Variants in SORT1 observed in about 807,000 individuals in gnomAD.
SORT1 encodes sortilin 1, also known as sortilin.
SORT1 carries 39 observed loss-of-function variants against 101.7 expected under a neutral mutation model. That is an observed-to-expected ratio of 0.38 (90% CI 0.30 to 0.50). SORT1 has a LOEUF of 0.50. Among genes scored for constraint, SORT1 ranks in the 20% least tolerant of loss-of-function variants. The pLI is 0.90. For synonymous variants in SORT1, 396 were observed against 393.7 expected, an observed-to-expected ratio of 1.01 and a Z score of -0.07; for missense variants, 878 against 1,040.4, an observed-to-expected ratio of 0.84 and a Z score of 2.15.
Position 109,326,468 on chromosome 1 carries a change from T to TAC in SORT1, c.1643+522_1643+523dup, listed in dbSNP as rs758005459. Among the ~76,000 whole-genome samples, 219 of 62,696 alleles carry TAC rather than the reference T, an allele frequency of 3.5e-3. 1 individual carries two copies. The highest frequency in any genetic ancestry group is 3.8e-3 in the African/African-American group (59 of 15,328). The allele number at this position is 62,696 out of a possible 152,430, so 41.1% of individuals were successfully genotyped here. On this transcript the variant is annotated intron_variant, in intron 13 of 19. Coordinates refer to ENST00000256637, the MANE Select transcript of SORT1 (RefSeq NM_002959.7). ...ATATATATATATATATATATATACA[T>TAC]ACACACACACACACACATATATATA...
intron 1 of SORT1, among the ~76,000 whole-genome samples, chr1:109,391,839 A>G (rs1652933075): frequency 6.6e-6 from 1 of 152,246 alleles, no homozygotes; most frequent in East Asian, 1.9e-4. Context: ...CAAATCACTG[A>G]GACCACATAG....
At chr1:109,337,031 A>T (rs2101572958) in intron 10 of SORT1, among the ~76,000 whole-genome samples, 1 of 152,260 alleles carries the variant, frequency 6.6e-6, no homozygotes, top group South Asian at 2.1e-4. Flanking sequence ...CAAGGCCATG[A>T]CACTAGCCTT....
In SORT1 at chr1:109,325,050, C is replaced by T. The variant is rs761284292; in HGVS notation, c.1683G>A (p.Thr561=). 12 of 1,613,302 alleles carry T rather than the reference C, an allele frequency of 7.4e-6. No individual in the cohort carries two copies. The highest frequency in any genetic ancestry group is 2.2e-5 in the South Asian group (2 of 91,030). ...TGAAATAGATGGGGTCCCTGGTGAA[C>T]GTGTAGGTTTGCCAGCATTGACCTT... ...TDEGQCWQTY[T]FTRDPIYFTG... The change falls in exon 14 of 20, where the codon ACG becomes ACA. Residue 561 remains threonine (T), a synonymous_variant. Coordinates refer to ENST00000256637, the MANE Select transcript of SORT1 (RefSeq NM_002959.7).
intron 1 of SORT1, among the ~76,000 whole-genome samples, chr1:109,373,546 T>C (rs1479470641): frequency 6.6e-6 from 1 of 151,996 alleles, no homozygotes; most frequent in African/African-American, 2.4e-5. Flanking sequence ...GCAACCATAA[T>C]AGGAAACCTC....
At chr1:109,360,627 G>A (rs569006317) in intron 3 of SORT1, among the ~76,000 whole-genome samples, 77 of 151,766 alleles carry the variant, frequency 5.1e-4, no homozygotes, top group African/African-American at 1.8e-3. Flanking sequence ...ATGAGCCACT[G>A]CGCCTGGCCT....
At chr1:109,366,910 C>CA (rs34860640) in intron 3 of SORT1, 300 of 141,564 alleles carry the variant, frequency 2.1e-3, no homozygotes, top group African/African-American at 7.0e-3. Context: ...AGACCCTGCT[C>CA]AAAAAAAAAA....
At chr1:109,328,569 A>G (rs572497498) in intron 11 of SORT1, among the ~76,000 whole-genome samples, 4 of 152,198 alleles carry the variant, frequency 2.6e-5, no homozygotes, top group African/African-American at 9.6e-5. Flanking sequence ...TTTTTTATTC[A>G]GGCTATTTGT....
chr1:109,394,572 G>A (rs1653090346), intron 1 of SORT1, among the ~76,000 whole-genome samples: 1 of 152,152 alleles, frequency 6.6e-6, no homozygotes, highest in South Asian at 2.1e-4. Context: ...GCTTTACCGT[G>A]CTTTCTTGAG....
chr1:109,328,773 C>G (rs748976337), intron 11 of SORT1, among the ~76,000 whole-genome samples: 9 of 152,156 alleles, frequency 5.9e-5, no homozygotes, highest in Non-Finnish European at 1.0e-4. Context: ...CTTCAGACAC[C>G]GTACAAGATG....
At chr1:109,319,038 G>A (rs574380400) in intron 15 of SORT1, among the ~76,000 whole-genome samples, 8 of 152,090 alleles carry the variant, frequency 5.3e-5, no homozygotes, top group African/African-American at 1.4e-4. Flanking sequence ...TCAGCCTCCC[G>A]AAGTATTGGG....
At chr1:109,360,411 T>C (rs553685553) in intron 3 of SORT1, among the ~76,000 whole-genome samples, 3 of 152,194 alleles carry the variant, frequency 2.0e-5, no homozygotes, top group East Asian at 1.9e-4. Flanking sequence ...TAGCTCACTA[T>C]AGCCTAGAAC....
chr1:109,345,640 T>C lies in SORT1; in HGVS notation c.963+111A>G, dbSNP rs1272416759. 9.5e-6 allele frequency: 10 copies of C among 1,055,736 alleles called. No individual in the cohort carries two copies. The Admixed American group carries it at 1.9e-4, about 20-fold the overall frequency. 65.4% of individuals were successfully genotyped at this position (1,055,736 alleles called of 1,614,324 possible). A position where few individuals can be genotyped will look rare whatever the true frequency, so the allele number is the denominator to read the frequency against. ...TCACCCCTAACACTCACAGTGGTAC[T>C]AAATATAACAAAAAGACAAGAAACT... On this transcript the variant is annotated intron_variant, in intron 8 of 19. Transcript: ENST00000256637.
In SORT1 at chr1:109,347,497, G is replaced by A; in HGVS notation, c.818C>T (p.Ala273Val). The A allele has an allele frequency of 6.2e-7, 1 of 1,609,488 alleles. No individual in the cohort carries two copies. Among genetic ancestry groups the A allele is most frequent in the Non-Finnish European group, 8.5e-7 (1 of 1,175,858 alleles). Residue 273 changes from alanine (A) to valine (V), a missense_variant, in exon 7 of 20, where the codon GCA becomes GTA. This residue lies in a region of SORT1 where 684 missense variants were observed against 894.5 expected (regional missense o/e 0.76). Transcript: ENST00000256637. ...AATATACTTACTGCAGGAGCCATTT[G>A]CATAGGTTGTAAAGAAGATGGTGTT... ...SDNTIFFTTYANGSCKADLGA... is the reference protein window; with the variant it reads ...SDNTIFFTTYVNGSCKADLGA...
chr1:109,344,934 G>A (rs930418108), intron 8 of SORT1, among the ~76,000 whole-genome samples: 1 of 151,822 alleles, frequency 6.6e-6, no homozygotes, highest in Non-Finnish European at 1.5e-5. Context: ...TGGGCTCAAG[G>A]GATCCACCCG....
intron 17 of SORT1, among the ~76,000 whole-genome samples, chr1:109,315,748 CTTTTTT>C (rs553898685): frequency 2.4e-5 from 3 of 124,732 alleles, no homozygotes; most frequent in South Asian, 2.7e-4. Context: ...GCCTCATAAC[CTTTTTT>C]TTTTTTTTTT....
intron 1 of SORT1, among the ~76,000 whole-genome samples, chr1:109,373,339 G>C (rs1294702219): frequency 6.6e-6 from 1 of 152,110 alleles, no homozygotes; most frequent in Non-Finnish European, 1.5e-5. Flanking sequence ...GATTAGAGAA[G>C]AAAGACTTAC....
Position 109,324,928 on chromosome 1 carries a change from A to G in SORT1, c.1805T>C (p.Ile602Thr), listed in dbSNP as rs141785599. The G allele has an allele frequency of 3.1e-6, 5 of 1,610,870 alleles. No individual in the cohort carries two copies. In the African/African-American group the frequency reaches 5.3e-5, roughly 17 times the overall value. Residue 602 changes from isoleucine (I) to threonine (T), a missense_variant, in exon 14 of 20, where the codon ATT (isoleucine) becomes ACT (threonine). By Grantham distance (89) the Ile-to-Thr change is moderately conservative (BLOSUM62 -1). Around this residue, in one of 2 missense-constraint regions of SORT1, gnomAD observed 684 missense variants for 894.5 expected, o/e 0.76. Coordinates refer to ENST00000256637, the MANE Select transcript of SORT1 (RefSeq NM_002959.7). Reference sequence around the variant, plus strand: ...CCTTTCAAGGATATCTTTAAAATCAATGGTGTAGGAGACCCACTGGCTGGT... The same window carrying G: ...CCTTTCAAGGATATCTTTAAAATCAGTGGTGTAGGAGACCCACTGGCTGGT... Reference protein sequence around the residue: ...FLTSQWVSYTIDFKDILERNC... With the variant: ...FLTSQWVSYTTDFKDILERNC...
chr1:109,332,423 A>C (rs1648523384), intron 11 of SORT1, among the ~76,000 whole-genome samples: 1 of 152,146 alleles, frequency 6.6e-6, no homozygotes, highest in African/African-American at 2.4e-5. Context: ...TCTCTACCAA[A>C]AAGTACCAAA....
At chr1:109,380,913 G>A (rs1652187963) in intron 1 of SORT1, among the ~76,000 whole-genome samples, 1 of 151,540 alleles carries the variant, frequency 6.6e-6, no homozygotes, top group Non-Finnish European at 1.5e-5. Flanking sequence ...GGTGGTTTGA[G>A]CCCAGGAAGT....
Sources: gnomAD v4.1 joint callset for allele counts (sites outside exome capture counted in the v4.1 genomes callset) on GRCh38, gnomAD v4.1.1 for gene constraint, gnomAD v4.1.1 regional missense constraint, MANE v1.5 for transcripts, NCBI Gene and HGNC (gene_info 2026-07-23, HGNC 2026-07-21) for gene names.